Variants in ATP2A2 observed in about 807,000 individuals in gnomAD.
ATP2A2 encodes the protein ATPase sarcoplasmic/endoplasmic reticulum Ca2+ transporting 2.
In ATP2A2, 14 loss-of-function variants were observed where a neutral mutation model predicts 109.3. The observed-to-expected ratio is 0.13, with a 90% CI of 0.08 to 0.20. ATP2A2 has a LOEUF of 0.20. Ranked by LOEUF, ATP2A2 falls within the 10% of genes least tolerant of loss-of-function variation. ATP2A2 has a pLI of 1.00. For synonymous variants in ATP2A2, 506 were observed against 490.9 expected (o/e 1.03, Z -0.41); for missense variants, 657 against 1,321.6 (o/e 0.50, Z 7.80).
chr12:110,307,858 C>T (rs1000997485), intron 5 of ATP2A2, among the ~76,000 whole-genome samples: 2 of 152,128 alleles, frequency 1.3e-5, no homozygotes, highest in South Asian at 2.1e-4. Context: ...TTAACTAGGT[C>T]CCAATTGTCA....
At chr12:110,292,176 AG>A (rs758146368) in intron 4 of ATP2A2, 52 bp downstream of exon 4, 27 of 1,267,660 alleles carry the variant, frequency 2.1e-5, no homozygotes, top group South Asian at 1.2e-4. Flanking sequence ...GTAAGTGATT[AG>A]GGCTGTATTA....
chr12:110,304,560 A>G (rs893115221), intron 5 of ATP2A2, among the ~76,000 whole-genome samples: 6 of 152,064 alleles, frequency 3.9e-5, no homozygotes, highest in African/African-American at 9.7e-5. Context: ...TCATGTGGCT[A>G]TTGTCCATCG....
chr12:110,335,916 C>T (rs1878796416), intron 11 of ATP2A2, among the ~76,000 whole-genome samples: 1 of 152,242 alleles, frequency 6.6e-6, no homozygotes, highest in African/African-American at 2.4e-5. Context: ...TTTTATATGG[C>T]AGACAGGGTG....
At chr12:110,312,697 A>G (rs1375405339) in intron 5 of ATP2A2, among the ~76,000 whole-genome samples, 2 of 152,024 alleles carry the variant, frequency 1.3e-5, no homozygotes, top group East Asian at 3.9e-4. Flanking sequence ...TAAAAATACA[A>G]AAATTACCCG....
Position 110,346,345 on chromosome 12 carries a change from A to C in ATP2A2, c.3004A>C (p.Thr1002Pro). Residue 1002 changes from threonine to proline, a missense_variant, in exon 20 of 20, where the codon ACC becomes CCC. Around this residue, in one of 9 missense-constraint regions of ATP2A2, gnomAD observed 53 missense variants for 61.2 expected, o/e 0.87. Coordinates refer to ENST00000539276, the MANE Select transcript of ATP2A2 (RefSeq NM_170665.4). ...TGGTAAAGAGTGTGTGCAGCCTGCC[A>C]CCAAATCCTGCTCGTTCTCGGCATG... ...EPGKECVQPA[T>P]KSCSFSACTD... 1 of 1,614,120 alleles carries C rather than the reference A, an allele frequency of 6.2e-7. No homozygotes were observed.
In ATP2A2 at chr12:110,304,353, G is replaced by A. The variant is rs112066699; in HGVS notation, c.463+7616G>A. Among the ~76,000 whole-genome samples the A allele has an allele frequency of 2.0e-3, 303 of 152,262 alleles. 3 individuals are homozygous for A. The highest frequency in any genetic ancestry group is 6.9e-3 in the African/African-American group (287 of 41,548). ...AGTGACTCTATACTTAACATTTTGA[G>A]CAGCTACCAAACTGTCTTTCAGAAT... On this transcript the variant is annotated intron_variant, in intron 5 of 19. Transcript: ENST00000539276.
chr12:110,332,648 A>G lies in ATP2A2; in HGVS notation c.1147A>G (p.Thr383Ala), dbSNP rs1307300658. 5.6e-6 allele frequency: 9 copies of G among 1,613,710 alleles called. No homozygotes were observed. Among genetic ancestry groups the G allele is most frequent in the South Asian group, 5.5e-5 (5 of 91,080 alleles). ...TGATACTTGTTCCCTTAATGAGTTT[A>G]CCATAACTGGATCAACTTATGCACC... ...EGDTCSLNEFTITGSTYAPIG... is the reference protein window; with the variant it reads ...EGDTCSLNEFAITGSTYAPIG... Residue 383 changes from threonine (T) to alanine (A), a missense_variant, in exon 9 of 20, where the codon ACC becomes GCC. Thr to Ala is a moderately conservative substitution (Grantham distance 58). Around this residue, in one of 9 missense-constraint regions of ATP2A2, gnomAD observed 46 missense variants for 62.0 expected, o/e 0.74. Transcript: ENST00000539276.
At chr12:110,287,815 C>T (rs1488660493) in intron 3 of ATP2A2, among the ~76,000 whole-genome samples, 2 of 152,038 alleles carry the variant, frequency 1.3e-5, no homozygotes, top group Non-Finnish European at 1.5e-5. Flanking sequence ...GGGGTTTCTC[C>T]ATGTTGACCA....
chr12:110,303,442 C>T (rs1405182757), intron 5 of ATP2A2, among the ~76,000 whole-genome samples: 9 of 152,034 alleles, frequency 5.9e-5, no homozygotes, highest in South Asian at 2.1e-4. Context: ...AGACGAGTCT[C>T]GCTCTGTTGC....
intron 10 of ATP2A2, among the ~76,000 whole-genome samples, 159 bp downstream of exon 10, chr12:110,333,442 C>T (rs1878538669): frequency 6.6e-6 from 1 of 152,174 alleles, no homozygotes; most frequent in Admixed American, 6.5e-5. Flanking sequence ...CCAGCATGAC[C>T]TCACCAAAGA....
At chr12:110,344,075 C>G (rs1592865936) in intron 16 of ATP2A2, among the ~76,000 whole-genome samples, 1 of 152,176 alleles carries the variant, frequency 6.6e-6, no homozygotes, top group African/African-American at 2.4e-5. Context: ...CTGTGCCCTT[C>G]CGGAGAGATT....
In ATP2A2 at chr12:110,339,265, T is replaced by A; in HGVS notation, c.1420-16T>A. 2 of 1,613,776 alleles carry A rather than the reference T, an allele frequency of 1.2e-6. No individual in the cohort carries two copies. Among genetic ancestry groups the A allele is most frequent in the Non-Finnish European group, 1.7e-6 (2 of 1,179,984 alleles). ...AAATTGCCACCCAGTAGTATCCATA[T>A]TTGTTCCCTTTGTAGGTCATTAAAC... On this transcript the variant is annotated splice_polypyrimidine_tract_variant and intron_variant, in intron 11 of 19. Transcript: ENST00000539276. The surrounding 1 kb of genome is among the most constrained non-coding windows in gnomAD (Gnocchi z 4.4).
rs994058274 is a variant in ATP2A2 at position 110,342,745 on chromosome 12, G to A, written c.2318+297G>A. On this transcript the variant is annotated intron_variant, in intron 15 of 19. Coordinates refer to ENST00000539276, the MANE Select transcript of ATP2A2 (RefSeq NM_170665.4). The surrounding 1 kb of genome is among the most constrained non-coding windows in gnomAD (Gnocchi z 4.6). The stretch of plus-strand genomic sequence containing the variant: ...CCAAAAGTTGGCTTTATCTCAGTCA[G>A]CTTAATAATTTTTTTATTTTTATTT... Among the ~76,000 whole-genome samples the A allele has an allele frequency of 2.0e-5, 3 of 152,122 alleles. No individual in the cohort carries two copies. The highest frequency in any genetic ancestry group is 6.5e-5 in the Admixed American group (1 of 15,272).
chr12:110,286,761 A>G lies in ATP2A2; in HGVS notation c.219+3966A>G, dbSNP rs531821891. ...TTATTGAGCAATTGTTTGAGGGCCCAAAGGCACAGTGCAAGTTTCTGAGAA... is the reference window on the plus strand; with the variant it reads ...TTATTGAGCAATTGTTTGAGGGCCCGAAGGCACAGTGCAAGTTTCTGAGAA... On this transcript the variant is annotated intron_variant, in intron 3 of 19. Transcript: ENST00000539276. Among the ~76,000 whole-genome samples, 19 of 151,346 alleles carry G rather than the reference A, an allele frequency of 1.3e-4. No homozygotes were observed. The East Asian group carries it at 3.3e-3, about 26-fold the overall frequency.
Position 110,342,485 on chromosome 12 carries a change from T to G in ATP2A2, c.2318+37T>G. 6.2e-7 allele frequency: 1 copy of G among 1,601,908 alleles called. No homozygotes were observed. Among genetic ancestry groups the G allele is most frequent in the East Asian group, 2.2e-5 (1 of 44,798 alleles). On this transcript the variant is annotated intron_variant, in intron 15 of 19. Transcript: ENST00000539276. The surrounding 1 kb of genome is among the most constrained non-coding windows in gnomAD (Gnocchi z 4.6). ...TGACAGCATCACTTACTGTACGCCT[T>G]TATCTAAATGGGTCATGGAGCCCAG...
At position 110,281,497 on chromosome 12, in the gene ATP2A2, C is replaced by T. The variant is rs1047152621; in HGVS notation, c.-293C>T. 2 of 182,208 alleles carry T rather than the reference C, an allele frequency of 1.1e-5. No homozygotes were observed. Among genetic ancestry groups the T allele is most frequent in the African/African-American group, 2.4e-5 (1 of 42,094 alleles). The allele number at this position is 182,208 out of a possible 1,614,324, so 11.3% of individuals were successfully genotyped here. ...GGCTCGGGGGCCGCGGCCTGCCCTC[C>T]CGGCGGGCGGCTGAGGGCGAGGGAG... On this transcript the variant is annotated 5_prime_UTR_variant, in exon 1 of 20. Coordinates refer to ENST00000539276, the MANE Select transcript of ATP2A2 (RefSeq NM_170665.4).
chr12:110,319,461 G>A (rs2137793833), intron 5 of ATP2A2, among the ~76,000 whole-genome samples: 2 of 151,306 alleles, frequency 1.3e-5, no homozygotes, highest in South Asian at 2.1e-4. Context: ...GACATTTAAG[G>A]TATTCCTCAG....
Position 110,309,140 on chromosome 12 carries a change from A to ATTTTTTTTTTTTTT in ATP2A2, c.463+12425_463+12438dup, listed in dbSNP as rs10665212. ...ATGGAGAGAGAGTTTAAGGAAACTAATTTTTTTTTTTTTTTTTTTTTTTTT... is the reference window on the plus strand; with the variant it reads ...ATGGAGAGAGAGTTTAAGGAAACTAATTTTTTTTTTTTTTTTTTTTTTTTTTTTTTTTTTTTTTT... On this transcript the variant is annotated intron_variant, in intron 5 of 19. Coordinates refer to ENST00000539276, the MANE Select transcript of ATP2A2 (RefSeq NM_170665.4). 8.0e-4 allele frequency among the ~76,000 whole-genome samples: 39 copies of ATTTTTTTTTTTTTT among 48,904 alleles called. 1 individual carries two copies. Among genetic ancestry groups the ATTTTTTTTTTTTTT allele is most frequent in the Admixed American group, 3.5e-3 (10 of 2,860 alleles). 32.1% of individuals were successfully genotyped at this position (48,904 alleles called of 152,430 possible). A position where few individuals can be genotyped will look rare whatever the true frequency, so the allele number is the denominator to read the frequency against.
At chr12:110,307,068 T>C (rs1202713791) in intron 5 of ATP2A2, among the ~76,000 whole-genome samples, 1 of 151,896 alleles carries the variant, frequency 6.6e-6, no homozygotes, top group African/African-American at 2.4e-5. Flanking sequence ...CACAATTTCT[T>C]TTTCTTGGGA....
Sources: allele counts gnomAD v4.1 joint callset (sites outside exome capture counted in the v4.1 genomes callset), GRCh38; gene constraint gnomAD v4.1.1; regional missense constraint gnomAD v4.1.1; non-coding constraint Gnocchi (gnomAD v3.1); transcripts MANE v1.5; gene names NCBI Gene and HGNC (gene_info 2026-07-23, HGNC 2026-07-21).